MYO1H: variants seen among roughly 807,000 people sequenced by gnomAD.
MYO1H encodes unconventional myosin-Ih.
In MYO1H, 118 loss-of-function variants were observed where a neutral mutation model predicts 149.3. The observed-to-expected ratio is 0.79, with a 90% CI of 0.68 to 0.92. MYO1H has a LOEUF of 0.92. Among genes scored for constraint, MYO1H ranks in the 40% least tolerant of loss-of-function variants. The probability of loss-of-function intolerance (pLI) is 0.00; values close to 1 mark genes in which losing one functional copy is unlikely to be tolerated. For synonymous variants in MYO1H, 447 were observed against 465.2 expected (o/e 0.96, Z 0.50); for missense variants, 1,212 against 1,280.7 (o/e 0.95, Z 0.82).
At chr12:109,336,274 C>T in the MYO1H span, among the ~76,000 whole-genome samples, 2,907 of 152,288 alleles carry the variant, frequency 0.019, 97 homozygotes, top group African/African-American at 0.066. Flanking sequence ...CCCATTCCTT[C>T]TTCCTCACTT....
At chr12:109,422,900 C>T (rs910490747) in intron 16 of MYO1H, among the ~76,000 whole-genome samples, 1 of 151,656 alleles carries the variant, frequency 6.6e-6, no homozygotes, top group African/African-American at 2.4e-5. Flanking sequence ...ATGGTGAAAC[C>T]CCATCCTTAT....
At chr12:109,404,353 G>C (rs1870287289) in intron 7 of MYO1H, among the ~76,000 whole-genome samples, 1 of 152,112 alleles carries the variant, frequency 6.6e-6, no homozygotes, top group South Asian at 2.1e-4. Flanking sequence ...GCGGTGGCAG[G>C]CACCTGTAAT....
chr12:109,413,980 C>A (rs1870789018), intron 14 of MYO1H, among the ~76,000 whole-genome samples: 2 of 152,102 alleles, frequency 1.3e-5, no homozygotes, highest in South Asian at 4.2e-4. Flanking sequence ...GGTAAAAATT[C>A]ACTTATGCTG....
chr12:109,424,872 G>C, intron 17 of MYO1H, 44 bp downstream of exon 17: 1 of 1,514,012 alleles, frequency 6.6e-7, no homozygotes, highest in Non-Finnish European at 9.2e-7. Context: ...CTCACCAGAG[G>C]GTGAGATGAC....
intron 9 of MYO1H, 76 bp downstream of exon 9, chr12:109,406,936 G>A (rs184094513): frequency 1.4e-6 from 2 of 1,397,332 alleles, no homozygotes; most frequent in East Asian, 2.3e-5. Context: ...CAGGGTGGTG[G>A]CCTCAGGGGA....
At chr12:109,315,378 G>C in the MYO1H span, among the ~76,000 whole-genome samples, 1 of 151,872 alleles carries the variant, frequency 6.6e-6, no homozygotes, top group African/African-American at 2.4e-5. Flanking sequence ...ATCTAATCTG[G>C]GTCTACATTA....
upstream of MYO1H, among the ~76,000 whole-genome samples, chr12:109,347,220 G>A (rs951307831): frequency 6.6e-6 from 1 of 152,112 alleles, no homozygotes; most frequent in African/African-American, 2.4e-5. Flanking sequence ...ACAATGTGGT[G>A]GGTGATGGGT....
At chr12:109,431,122 G>A (rs1002294971) in intron 19 of MYO1H, among the ~76,000 whole-genome samples, 21 of 151,244 alleles carry the variant, frequency 1.4e-4, no homozygotes, top group African/African-American at 5.1e-4. Flanking sequence ...GCTCACACCT[G>A]TAATCCCAGC....
chr12:109,440,763 A>T, exon 25 of MYO1H: 1 of 1,563,294 alleles, frequency 6.4e-7, no homozygotes, highest in Non-Finnish European at 8.7e-7. Flanking sequence ...CTGCTCAGGA[A>T]AATGTGCGTG....
intron 1 of MYO1H, among the ~76,000 whole-genome samples, chr12:109,348,624 G>A (rs1868388554): frequency 6.6e-6 from 1 of 152,160 alleles, no homozygotes; most frequent in African/African-American, 2.4e-5. Flanking sequence ...GTAGACAATG[G>A]TAAAGCTCTC....
At chr12:109,361,836 AAAAAG>A (rs1224802383) in intron 1 of MYO1H, among the ~76,000 whole-genome samples, 5 of 150,152 alleles carry the variant, frequency 3.3e-5, no homozygotes, top group South Asian at 4.2e-4. Flanking sequence ...AAAAAAAAAA[AAAAAG>A]AAGAACCACT....
intron 15 of MYO1H, among the ~76,000 whole-genome samples, chr12:109,419,571 CAG>C (rs765897505): frequency 3.3e-5 from 5 of 151,862 alleles, no homozygotes; most frequent in Non-Finnish European, 5.9e-5. Context: ...TTTCTGGAAA[CAG>C]GGTTTCACTT....
At chr12:109,337,980 A>G in the MYO1H span, among the ~76,000 whole-genome samples, 1 of 152,178 alleles carries the variant, frequency 6.6e-6, no homozygotes, top group Non-Finnish European at 1.5e-5. Context: ...GACTTCAGCA[A>G]GGGTTTAGTT....
chr12:109,424,354 A>G (rs1392957704), intron 16 of MYO1H, among the ~76,000 whole-genome samples: 1 of 152,054 alleles, frequency 6.6e-6, no homozygotes, highest in African/African-American at 2.4e-5. Flanking sequence ...AGGTTTTGCC[A>G]TGTTGCCCAG....
At chr12:109,340,329 C>A in the MYO1H span, among the ~76,000 whole-genome samples, 6 of 151,824 alleles carry the variant, frequency 4.0e-5, no homozygotes, top group African/African-American at 7.3e-5. Flanking sequence ...TACAGGCGCC[C>A]GGCTAATTTT....
Position 109,412,974 on chromosome 12 carries a change from GTTGTTGTTA to G in MYO1H, c.1502+992_1502+1000del, listed in dbSNP as rs1386712465. 8.0e-5 allele frequency among the ~76,000 whole-genome samples: 12 copies of G among 149,218 alleles called. No individual in the cohort carries two copies. In the East Asian group the frequency reaches 1.8e-3, roughly 22 times the overall value. ...CTAATTTGTTGTTGTTGTTGTTGTT[GTTGTTGTTA>G]TTATTATTATTTGAGACAGAGTCTT... On this transcript the variant is annotated intron_variant, in intron 14 of 31. Coordinates refer to ENST00000310903, the Ensembl canonical transcript of MYO1H.
chr12:109,379,773 A>G (rs7298740), intron 1 of MYO1H, among the ~76,000 whole-genome samples: 7,971 of 125,110 alleles, frequency 0.064, 766 homozygotes, highest in African/African-American at 0.23. Flanking sequence ...TCACTCTGTC[A>G]CCAGGCTGGA....
rs1020760455 is a variant in MYO1H at position 109,366,130 on chromosome 12, G to A, written c.12+18158G>A. The stretch of plus-strand genomic sequence containing the variant: ...GTCTTCCACGAAACCAGTCCCTGGT[G>A]ACAAAAAGGTTGGGGACCACTGACC... On this transcript the variant is annotated intron_variant, in intron 1 of 31. Coordinates refer to ENST00000310903, the Ensembl canonical transcript of MYO1H. 9.2e-5 allele frequency among the ~76,000 whole-genome samples: 14 copies of A among 152,282 alleles called. No individual in the cohort carries two copies. In the East Asian group the frequency reaches 2.7e-3, roughly 29 times the overall value.
the MYO1H span, among the ~76,000 whole-genome samples, chr12:109,318,972 G>GTTTTTGTTTTTTTT: frequency 7.8e-5 from 6 of 77,254 alleles, no homozygotes; most frequent in African/African-American, 2.3e-4. Flanking sequence ...TTTTGGTTTT[G>GTTTTTGTTTTTTTT]TTTTTTTTTT....
Sources: allele counts gnomAD v4.1 joint callset (sites outside exome capture counted in the v4.1 genomes callset), GRCh38; gene constraint gnomAD v4.1.1; transcripts MANE v1.5; gene names NCBI Gene and HGNC (gene_info 2026-07-23, HGNC 2026-07-21).